Variants in TMEM163 observed in about 807,000 individuals in gnomAD.
The protein encoded by TMEM163 is transmembrane protein 163.
TMEM163 carries 17 observed loss-of-function variants against 29.3 expected under a neutral mutation model. The observed-to-expected ratio is 0.58, with a 90% CI of 0.40 to 0.87. The LOEUF is 0.87. Ranked by LOEUF, TMEM163 falls within the 40% of genes least tolerant of loss-of-function variation. TMEM163 has a pLI of 0.00. For synonymous variants in TMEM163, 157 were observed against 160.6 expected, an observed-to-expected ratio of 0.98 and a Z score of 0.17; for missense variants, 303 against 381.5, an observed-to-expected ratio of 0.79 and a Z score of 1.71.
At chr2:134,696,051 C>CAAAA in intron 2 of TMEM163, among the ~76,000 whole-genome samples, 1 of 79,150 alleles carries the variant, frequency 1.3e-5, no homozygotes, top group Admixed American at 1.3e-4. Context: ...GACACCGTCT[C>CAAAA]AAAAAAAAAA....
chr2:134,616,448 T>A (rs1407483795), intron 2 of TMEM163, among the ~76,000 whole-genome samples: 1 of 152,204 alleles, frequency 6.6e-6, no homozygotes, highest in Non-Finnish European at 1.5e-5. Flanking sequence ...TAAAAGTTTT[T>A]AAAGGGAACC....
chr2:134,503,717 C>T (rs1253789072), intron 4 of TMEM163, among the ~76,000 whole-genome samples: 2 of 152,056 alleles, frequency 1.3e-5, no homozygotes, highest in Admixed American at 6.6e-5. Context: ...ACACTCAGCA[C>T]AGGCGGAGGC....
chr2:134,595,184 T>A (rs1330233127), intron 2 of TMEM163, among the ~76,000 whole-genome samples: 1 of 152,130 alleles, frequency 6.6e-6, no homozygotes, highest in Non-Finnish European at 1.5e-5. Context: ...TACATATGTA[T>A]ACATGTGCCA....
chr2:134,515,169 T>C (rs554143598), intron 4 of TMEM163, among the ~76,000 whole-genome samples: 5 of 152,324 alleles, frequency 3.3e-5, no homozygotes, highest in Admixed American at 2.0e-4. Context: ...TCTCGAGCCT[T>C]AGTCCATCCT....
At chr2:134,554,577 G>A (rs1681007142) in intron 2 of TMEM163, among the ~76,000 whole-genome samples, 1 of 152,110 alleles carries the variant, frequency 6.6e-6, no homozygotes, top group Non-Finnish European at 1.5e-5. Context: ...AAGAGCACCT[G>A]CCTCACCAGC....
At chr2:134,612,041 G>T (rs1682515057) in intron 2 of TMEM163, among the ~76,000 whole-genome samples, 1 of 152,202 alleles carries the variant, frequency 6.6e-6, no homozygotes. Flanking sequence ...GCATATGGTG[G>T]CTACCTAAAA....
At chr2:134,635,536 C>T (rs929440380) in intron 2 of TMEM163, among the ~76,000 whole-genome samples, 1 of 152,060 alleles carries the variant, frequency 6.6e-6, no homozygotes, top group Non-Finnish European at 1.5e-5. Flanking sequence ...AACAAGCATT[C>T]GATGCCGCTA....
chr2:134,522,231 A>G (rs1457964751), intron 4 of TMEM163, among the ~76,000 whole-genome samples: 1 of 152,210 alleles, frequency 6.6e-6, no homozygotes, highest in African/African-American at 2.4e-5. Flanking sequence ...AGGCACAATT[A>G]CTGCCAGGCC....
intron 2 of TMEM163, among the ~76,000 whole-genome samples, chr2:134,571,841 G>T (rs776018072): frequency 1.3e-5 from 2 of 152,142 alleles, no homozygotes; most frequent in Non-Finnish European, 2.9e-5. Flanking sequence ...TTTACTGGGG[G>T]CTTGTTGCAT....
intron 4 of TMEM163, among the ~76,000 whole-genome samples, chr2:134,511,220 A>G (rs990561918): frequency 1.1e-4 from 16 of 151,928 alleles, no homozygotes; most frequent in African/African-American, 3.6e-4. Flanking sequence ...CATCTGAACA[A>G]AGACCTACCA....
intron 5 of TMEM163, among the ~76,000 whole-genome samples, chr2:134,496,774 A>G (rs570345424): frequency 6.6e-4 from 101 of 152,252 alleles, no homozygotes; most frequent in African/African-American, 1.9e-3. Context: ...GCTAAGCATC[A>G]TTTCTGACTT....
At chr2:134,572,850 G>T (rs778022839) in intron 2 of TMEM163, among the ~76,000 whole-genome samples, 3 of 152,192 alleles carry the variant, frequency 2.0e-5, no homozygotes, top group Admixed American at 1.3e-4. Context: ...TGAAATTAGA[G>T]AATAAAAATG....
chr2:134,497,166 C>T (rs1679585989), intron 5 of TMEM163, among the ~76,000 whole-genome samples: 1 of 152,192 alleles, frequency 6.6e-6, no homozygotes, highest in Admixed American at 6.5e-5. Context: ...TAATGAGTCT[C>T]TCCCCCAACT....
At chr2:134,696,287 C>T (rs1684579778) in intron 2 of TMEM163, among the ~76,000 whole-genome samples, 1 of 152,152 alleles carries the variant, frequency 6.6e-6, no homozygotes, top group South Asian at 2.1e-4. Flanking sequence ...CTTTCCTGGT[C>T]TATTTGTTCC....
At chr2:134,478,047 T>C (rs1480958577) in intron 5 of TMEM163, among the ~76,000 whole-genome samples, 1 of 152,164 alleles carries the variant, frequency 6.6e-6, no homozygotes, top group African/African-American at 2.4e-5. Context: ...TCTGATTGTT[T>C]AAAAGTCTGG....
At chr2:134,515,220 C>A (rs1260559619) in intron 4 of TMEM163, among the ~76,000 whole-genome samples, 1 of 152,110 alleles carries the variant, frequency 6.6e-6, no homozygotes, top group Admixed American at 6.5e-5. Context: ...GTACAGAAAA[C>A]CACCTGAGTG....
intron 2 of TMEM163, among the ~76,000 whole-genome samples, chr2:134,670,951 A>G (rs921863242): frequency 1.3e-5 from 2 of 152,136 alleles, no homozygotes; most frequent in Non-Finnish European, 2.9e-5. Flanking sequence ...CGTTCTTCCT[A>G]TCAGCTGCTG....
intron 1 of TMEM163, among the ~76,000 whole-genome samples, chr2:134,715,675 C>CGGAGTGTGG (rs1685023755): frequency 6.6e-6 from 1 of 152,138 alleles, no homozygotes; most frequent in Non-Finnish European, 1.5e-5. Context: ...CAGGTACCTC[C>CGGAGTGTGG]ACACTCATGT....
intron 2 of TMEM163, among the ~76,000 whole-genome samples, chr2:134,657,364 A>G (rs1290982573): frequency 1.3e-5 from 2 of 152,236 alleles, no homozygotes; most frequent in East Asian, 3.8e-4. Flanking sequence ...AGCCATAGAA[A>G]AGAAGAAAAT....
Sources: gnomAD v4.1 joint callset for allele counts (sites outside exome capture counted in the v4.1 genomes callset) on GRCh38, gnomAD v4.1.1 for gene constraint, MANE v1.5 for transcripts, NCBI Gene and HGNC (gene_info 2026-07-23, HGNC 2026-07-21) for gene names.